Variants in DPYSL4 observed in about 807,000 individuals in gnomAD.
DPYSL4 encodes dihydropyrimidinase like 4.
Under a neutral mutation model 63.4 loss-of-function variants are expected in DPYSL4, and 43 were observed. That is an observed-to-expected ratio of 0.68 (90% CI 0.53 to 0.88). DPYSL4 has a LOEUF of 0.88. DPYSL4 is among the 40% of genes least tolerant of loss of function. The pLI, the probability that DPYSL4 is intolerant of heterozygous loss-of-function variation, is 0.00. For synonymous variants in DPYSL4, 353 were observed against 331.7 expected (o/e 1.06, Z -0.70); for missense variants, 733 against 819.5 (o/e 0.89, Z 1.29).
intron 10 of DPYSL4, among the ~76,000 whole-genome samples, chr10:132,201,681 C>T (rs932961072): frequency 6.6e-6 from 1 of 152,230 alleles, no homozygotes; most frequent in Admixed American, 6.5e-5. Context: ...ATCTTGGCTG[C>T]CTGGGTGGCA....
At chr10:132,204,052 G>C in intron 13 of DPYSL4, 125 bp downstream of exon 13, 4 of 1,265,414 alleles carry the variant, frequency 3.2e-6, no homozygotes, top group Non-Finnish European at 4.4e-6. Context: ...TGGGGACTGG[G>C]GCAGGAGATG....
Position 132,204,980 on chromosome 10 carries a change from G to T in DPYSL4, c.*50G>T. ...CGTGCTGGCCCCACCCGAGGCCGCG[G>T]GGGCCCCAGGGCACTCGCCCCCCTC... On this transcript the variant is annotated 3_prime_UTR_variant, in exon 14 of 14. Coordinates refer to ENST00000338492, the MANE Select transcript of DPYSL4 (RefSeq NM_006426.3). 4 of 1,481,296 alleles carry T rather than the reference G, an allele frequency of 2.7e-6. No individual in the cohort carries two copies. The highest frequency in any genetic ancestry group is 2.8e-5 in the African/African-American group (2 of 71,070). 91.8% of individuals were successfully genotyped at this position (1,481,296 alleles called of 1,614,324 possible). A position where few individuals can be genotyped will look rare whatever the true frequency, so the allele number is the denominator to read the frequency against.
intron 4 of DPYSL4, among the ~76,000 whole-genome samples, chr10:132,196,289 C>T (rs1241321830): frequency 1.3e-5 from 2 of 152,202 alleles, no homozygotes; most frequent in Non-Finnish European, 2.9e-5. Flanking sequence ...GCTCAGCCCT[C>T]TTCCTGTTTG....
chr10:132,187,058 A>G lies in DPYSL4; in HGVS notation c.-6A>G, dbSNP rs536395278. ...GCCGCCCCTACCAGAGACCCCCAGG[A>G]GCAGGATGTCCTTCCAGGGCAAGAA... is the stretch of plus-strand genomic sequence containing the variant. On this transcript the variant is annotated 5_prime_UTR_variant, in exon 1 of 14. Coordinates refer to ENST00000338492, the MANE Select transcript of DPYSL4 (RefSeq NM_006426.3). The G allele has an allele frequency of 1.6e-6, 2 of 1,234,752 alleles. No individual in the cohort carries two copies. The highest frequency in any genetic ancestry group is 2.7e-5 in the Admixed American group (1 of 37,158). The allele number at this position is 1,234,752 out of a possible 1,614,324, so 76.5% of individuals were successfully genotyped here.
rs549756090 is a variant in DPYSL4, at chr10:132,201,043, T to C, written c.1110+60T>C. 424 of 1,589,412 alleles carry C rather than the reference T, an allele frequency of 2.7e-4. 3 individuals carry two copies. Among genetic ancestry groups the C allele is most frequent in the Middle Eastern group, 1.2e-3 (7 of 5,956 alleles). On this transcript the variant is annotated intron_variant, in intron 10 of 13. Coordinates refer to ENST00000338492, the MANE Select transcript of DPYSL4 (RefSeq NM_006426.3). ...GGAGCGGCTGTGGGCGGGATTGTGATGGCTGGTCAGAAGGGAGCCCATCTA... is the reference window on the plus strand; with the variant it reads ...GGAGCGGCTGTGGGCGGGATTGTGACGGCTGGTCAGAAGGGAGCCCATCTA...
chr10:132,200,405 T>C lies in DPYSL4; in HGVS notation c.861T>C (p.Gly287=), dbSNP rs141631108. The C allele has an allele frequency of 9.3e-6, 15 of 1,613,274 alleles. No individual in the cohort carries two copies. In the African/African-American group the frequency reaches 2.0e-4, roughly 22 times the overall value. ...EPITASLGTD[G]SHYWSKNWAK... ...TCACCGCCAGCCTGGGCACCGACGG[T>C]TCACACTACTGGAGCAAGAACTGGG... Residue 287 remains glycine, a synonymous_variant, in exon 9 of 14, where the codon GGT becomes GGC. Transcript: ENST00000338492.
Position 132,205,636 on chromosome 10 carries a change from T to C in DPYSL4, c.*706T>C, listed in dbSNP as rs1468461532. 6.6e-6 allele frequency: 1 copy of C among 152,308 alleles called. No homozygotes were observed. Among genetic ancestry groups the C allele is most frequent in the East Asian group, 1.9e-4 (1 of 5,200 alleles). The allele number at this position is 152,308 out of a possible 1,614,324, so 9.4% of individuals were successfully genotyped here. Reference sequence around the variant, plus strand: ...AGATTGTGTATTTCCGTAGGCTTCTTAGTAGCAGCTTTGTACACTGAGGAC... The same window carrying C: ...AGATTGTGTATTTCCGTAGGCTTCTCAGTAGCAGCTTTGTACACTGAGGAC... On this transcript the variant is annotated 3_prime_UTR_variant, in exon 14 of 14. Transcript: ENST00000338492.
intron 12 of DPYSL4, 63 bp downstream of exon 12, chr10:132,202,888 G>C: frequency 1.3e-6 from 2 of 1,524,932 alleles, no homozygotes; most frequent in Non-Finnish European, 1.8e-6. Flanking sequence ...TCTAGGCCCA[G>C]AACGCACCCC....
intron 2 of DPYSL4, among the ~76,000 whole-genome samples, chr10:132,191,640 G>A (rs58708451): frequency 2.3e-5 from 1 of 42,762 alleles, no homozygotes. Context: ...TTCCCAGCTC[G>A]TGTGTACACG....
chr10:132,195,107 G>C (rs1044463578), intron 4 of DPYSL4, 98 bp downstream of exon 4: 26 of 1,378,114 alleles, frequency 1.9e-5, no homozygotes, highest in African/African-American at 1.9e-4. Context: ...CTCTGCCCTG[G>C]GGGCTGGTGT....
At chr10:132,197,282 TAGAG>T (rs966581162) in intron 6 of DPYSL4, among the ~76,000 whole-genome samples, 181 bp downstream of exon 6, 1 of 152,176 alleles carries the variant, frequency 6.6e-6, no homozygotes, top group Non-Finnish European at 1.5e-5. Context: ...ACCAGTGAGT[TAGAG>T]AGACTGGGGG....
At chr10:132,198,348 G>C (rs1030066641) in intron 6 of DPYSL4, 67 bp from the exon 7 acceptor site, 1 of 1,510,450 alleles carries the variant, frequency 6.6e-7, no homozygotes, top group African/African-American at 1.4e-5. Context: ...TCCCAGCCTT[G>C]GGCTTAGCAT....
intron 13 of DPYSL4, among the ~76,000 whole-genome samples, chr10:132,204,422 G>A (rs907772363): frequency 4.6e-5 from 7 of 152,272 alleles, no homozygotes; most frequent in Admixed American, 1.3e-4. Context: ...TGCATTCTCC[G>A]GACCCAGGAA....
At chr10:132,196,234 TC>T (rs1210365786) in intron 4 of DPYSL4, among the ~76,000 whole-genome samples, 1 of 152,126 alleles carries the variant, frequency 6.6e-6, no homozygotes, top group Non-Finnish European at 1.5e-5. Flanking sequence ...AAGTTCCGAG[TC>T]CTGGGGGAGG....
At chr10:132,199,664 G>A (rs2061986921) in intron 8 of DPYSL4, among the ~76,000 whole-genome samples, 1 of 138,934 alleles carries the variant, frequency 7.2e-6, no homozygotes, top group African/African-American at 2.6e-5. Context: ...GCCTGGGGCT[G>A]TGCAGGTCCC....
chr10:132,193,531 G>A (rs2061904068), intron 3 of DPYSL4, among the ~76,000 whole-genome samples: 1 of 152,218 alleles, frequency 6.6e-6, no homozygotes, highest in Non-Finnish European at 1.5e-5. Flanking sequence ...GCAGGACGAG[G>A]CCTCAGAGCC....
At chr10:132,201,519 A>G (rs1182958697) in intron 10 of DPYSL4, among the ~76,000 whole-genome samples, 3 of 152,260 alleles carry the variant, frequency 2.0e-5, no homozygotes, top group Non-Finnish European at 4.4e-5. Context: ...AAGTGAATGC[A>G]GAAAGGCTTC....
intron 1 of DPYSL4, among the ~76,000 whole-genome samples, chr10:132,188,715 A>T (rs1483050644): frequency 1.3e-5 from 2 of 152,364 alleles, no homozygotes; most frequent in African/African-American, 4.8e-5. Context: ...CCAGGAAAGC[A>T]GTCCTGGACA....
chr10:132,190,369 G>C (rs780414179), intron 1 of DPYSL4, among the ~76,000 whole-genome samples: 7 of 152,204 alleles, frequency 4.6e-5, no homozygotes, highest in Non-Finnish European at 7.3e-5. Flanking sequence ...AGGAGAGCAG[G>C]ATCTCTGAGG....
Sources: gnomAD v4.1 joint callset for allele counts (sites outside exome capture counted in the v4.1 genomes callset) on GRCh38, gnomAD v4.1.1 for gene constraint, MANE v1.5 for transcripts, NCBI Gene and HGNC (gene_info 2026-07-23, HGNC 2026-07-21) for gene names.